The following SIVA1 variants were observed in gnomAD, a reference collection of about 807,000 sequenced individuals.
SIVA1 encodes the protein SIVA1 apoptosis inducing factor.
SIVA1 carries 10 observed loss-of-function variants against 19.7 expected under a neutral mutation model. The ratio of observed to expected loss-of-function variants is 0.51; its 90% confidence interval spans 0.31 to 0.86. The LOEUF is 0.86. Ranked by LOEUF, SIVA1 falls within the 40% of genes least tolerant of loss-of-function variation. The pLI is 0.04. For synonymous variants in SIVA1, 130 were observed against 106.1 expected (o/e 1.23, Z -1.39); for missense variants, 241 against 245.2 (o/e 0.98, Z 0.11).
At chr14:104,756,300 A>T in intron 2 of SIVA1, 1 of 499,406 alleles carries the variant, frequency 2.0e-6, no homozygotes, top group South Asian at 2.1e-5. Context: ...GAGTTCTGAC[A>T]AGCAACAGGG....
At chr14:104,757,068 G>T in intron 3 of SIVA1, 1 of 440,484 alleles carries the variant, frequency 2.3e-6, no homozygotes, top group Admixed American at 4.0e-5. Flanking sequence ...TGGTCTTTGA[G>T]CCCCCCCTCC....
chr14:104,753,403 CG>C (rs1891772653), intron 1 of SIVA1, 84 bp downstream of exon 1: 7 of 935,258 alleles, frequency 7.5e-6, no homozygotes, highest in Non-Finnish European at 1.1e-5. Context: ...GAGGCCTGAG[CG>C]GGGGGCTGGA....
rs1021865510 is a variant in SIVA1, at chr14:104,756,936, G to A, written c.470+176G>A. The A allele has an allele frequency of 1.2e-5, 8 of 686,276 alleles. No individual in the cohort carries two copies. The African/African-American group carries it at 1.4e-4, about 12-fold the overall frequency. 42.5% of individuals were successfully genotyped at this position (686,276 alleles called of 1,614,324 possible). A position where few individuals can be genotyped will look rare whatever the true frequency, so the allele number is the denominator to read the frequency against. ...ATAGATGCTTGGCCCAACTTTAGTG[G>A]TTAGTAATCCTCTCTAAGGGAAAGC... On this transcript the variant is annotated intron_variant, in intron 3 of 3. Transcript: ENST00000329967.
In SIVA1 at chr14:104,755,743, GC is replaced by G; in HGVS notation, c.236del (p.Pro79ArgfsTer9). Reference sequence around the variant, plus strand: ...GTCCCCAAAGCCTGGCCCTACAGGGGCCCCGAGGGCTGCACGTGGGCAGATG... The same window carrying G: ...GTCCCCAAAGCCTGGCCCTACAGGGGCCCGAGGGCTGCACGTGGGCAGATG... ...PESPKPGPTG[A>X]PRAARGQMLI... On this transcript the variant is annotated frameshift_variant, in exon 2 of 4. Coordinates refer to ENST00000329967, the MANE Select transcript of SIVA1 (RefSeq NM_006427.4). LOFTEE classifies it high-confidence loss of function. 1 of 1,614,134 alleles carries G rather than the reference GC, an allele frequency of 6.2e-7. No homozygotes were observed. Among genetic ancestry groups the G allele is most frequent in the Non-Finnish European group, 8.5e-7 (1 of 1,180,028 alleles).
intron 1 of SIVA1, among the ~76,000 whole-genome samples, chr14:104,754,551 G>T (rs1303225568): frequency 6.6e-6 from 1 of 152,194 alleles, no homozygotes; most frequent in African/African-American, 2.4e-5. Flanking sequence ...TCCTGACCTG[G>T]GCGTTGGCAG....
chr14:104,759,095 T>C lies in SIVA1; in HGVS notation c.471-333T>C, dbSNP rs1891999298. The stretch of plus-strand genomic sequence containing the variant: ...GGGCTGGTTCCTTCTGAGGCTGCAA[T>C]GGAAAACCTGTCCTGGCCTCTCTCC... On this transcript the variant is annotated intron_variant, in intron 3 of 3. Transcript: ENST00000329967. This position sits in a 1 kb window ranked among gnomAD's most constrained non-coding sequence, Gnocchi z 4.2. 5.0e-6 allele frequency: 1 copy of C among 201,972 alleles called. No individual in the cohort carries two copies. Among genetic ancestry groups the C allele is most frequent in the African/African-American group, 2.3e-5 (1 of 43,252 alleles). The allele number at this position is 201,972 out of a possible 1,614,324, so 12.5% of individuals were successfully genotyped here.
intron 1 of SIVA1, among the ~76,000 whole-genome samples, chr14:104,754,679 C>T (rs1429547358): frequency 1.3e-5 from 2 of 152,198 alleles, no homozygotes; most frequent in African/African-American, 4.8e-5. Flanking sequence ...CAGGCCACAG[C>T]TGTTACCCTG....
chr14:104,753,891 T>G, intron 1 of SIVA1: 1 of 394,094 alleles, frequency 2.5e-6, no homozygotes, highest in Non-Finnish European at 5.4e-6. Flanking sequence ...AGGCACAGGT[T>G]TGTGCAGGCG....
intron 1 of SIVA1, among the ~76,000 whole-genome samples, chr14:104,754,204 C>T (rs1253823047): frequency 6.6e-6 from 1 of 152,110 alleles, no homozygotes; most frequent in Non-Finnish European, 1.5e-5. Flanking sequence ...TGGAGCTTAC[C>T]TTGCCTAGTG....
chr14:104,759,127 C>T lies in SIVA1; in HGVS notation c.471-301C>T. 1 of 261,414 alleles carries T rather than the reference C, an allele frequency of 3.8e-6. No individual in the cohort carries two copies. The highest frequency in any genetic ancestry group is 7.3e-6 in the Non-Finnish European group (1 of 137,666). 16.2% of individuals were successfully genotyped at this position (261,414 alleles called of 1,614,324 possible). A position where few individuals can be genotyped will look rare whatever the true frequency, so the allele number is the denominator to read the frequency against. On this transcript the variant is annotated intron_variant, in intron 3 of 3. Transcript: ENST00000329967. This position sits in a 1 kb window ranked among gnomAD's most constrained non-coding sequence, Gnocchi z 4.2. ...CCTGTCCTGGCCTCTCTCCTGGCAT[C>T]TGCTGGTTATCTTTGGTGTTCCCTG...
intron 1 of SIVA1, 135 bp from the exon 2 acceptor site, chr14:104,755,495 A>T: frequency 1.3e-6 from 1 of 781,888 alleles, no homozygotes; most frequent in Non-Finnish European, 2.1e-6. Flanking sequence ...GGCACAACAC[A>T]GGCTGGGGTT....
In SIVA1 at chr14:104,755,659, G is replaced by T. The variant is rs141296448; in HGVS notation, c.148G>T (p.Ala50Ser). 5 of 1,613,352 alleles carry T rather than the reference G, an allele frequency of 3.1e-6. No homozygotes were observed. The highest frequency in any genetic ancestry group is 1.3e-5 in the African/African-American group (1 of 74,902). ...GACCAAGCGACTCCTGTTCCTCGGGGCCCAGGCCTACCTGGACCACGTGTG... is the reference window on the plus strand; with the variant it reads ...GACCAAGCGACTCCTGTTCCTCGGGTCCCAGGCCTACCTGGACCACGTGTG... ...EKTKRLLFLGAQAYLDHVWDE... is the reference protein window; with the variant it reads ...EKTKRLLFLGSQAYLDHVWDE... Residue 50 changes from alanine (A) to serine (S), a missense_variant, in exon 2 of 4, where the codon GCC becomes TCC. Physicochemically the swap from Ala to Ser is moderately conservative, Grantham distance 99 (BLOSUM62 1). Transcript: ENST00000329967.
At position 104,755,654 on chromosome 14, in the gene SIVA1, T is replaced by G; in HGVS notation, c.143T>G (p.Leu48Arg). The change falls in exon 2 of 4, where the codon CTC becomes CGC. Residue 48 changes from leucine to arginine, a missense_variant. By Grantham distance (102) the Leu-to-Arg change is moderately radical. Transcript: ENST00000329967. ...GAGAAGACCAAGCGACTCCTGTTCC[T>G]CGGGGCCCAGGCCTACCTGGACCAC... ...VFEKTKRLLF[L>R]GAQAYLDHVW... The G allele has an allele frequency of 1.9e-6, 3 of 1,613,224 alleles. No individual in the cohort carries two copies. Among genetic ancestry groups the G allele is most frequent in the Non-Finnish European group, 2.5e-6 (3 of 1,179,850 alleles).
At position 104,756,584 on chromosome 14, in the gene SIVA1, T is replaced by A. The variant is rs2140859302; in HGVS notation, c.314-20T>A. 6.2e-7 allele frequency: 1 copy of A among 1,613,992 alleles called. No homozygotes were observed. The highest frequency in any genetic ancestry group is 1.3e-5 in the African/African-American group (1 of 75,074). On this transcript the variant is annotated intron_variant, in intron 2 of 3. Coordinates refer to ENST00000329967, the MANE Select transcript of SIVA1 (RefSeq NM_006427.4). Reference sequence around the variant, plus strand: ...TCCAGTCTCCTTGCAGCCTGACGGCTTGGCGTTTCTTCCTCACAGACCCAT... The same window carrying A: ...TCCAGTCTCCTTGCAGCCTGACGGCATGGCGTTTCTTCCTCACAGACCCAT...
At chr14:104,753,771 G>C in intron 1 of SIVA1, 2 of 454,938 alleles carry the variant, frequency 4.4e-6, no homozygotes, top group Non-Finnish European at 8.9e-6. Flanking sequence ...CAGGCACGGC[G>C]GCTTTCTCGG....
In SIVA1 at chr14:104,754,004, G is replaced by T. The variant is rs140705286; in HGVS notation, c.118+685G>T. 3.8e-4 allele frequency: 113 copies of T among 294,222 alleles called. No individual in the cohort carries two copies. The East Asian group carries it at 7.8e-3, about 20-fold the overall frequency. The allele number at this position is 294,222 out of a possible 1,614,324, so 18.2% of individuals were successfully genotyped here. A position where few individuals can be genotyped will look rare whatever the true frequency, so the allele number is the denominator to read the frequency against. ...CAGGCAGAGGAAGGGAAGGAAGAGG[G>T]CGAGGCAGAAGCCAGGCAGCAGGAG... On this transcript the variant is annotated intron_variant, in intron 1 of 3. Transcript: ENST00000329967.
intron 2 of SIVA1, 39 bp from the exon 3 acceptor site, chr14:104,756,565 C>T (rs1259563604): frequency 1.2e-6 from 2 of 1,612,916 alleles, no homozygotes. Context: ...AAACTCCAGT[C>T]TCCTTGCAGC....
intron 3 of SIVA1, chr14:104,756,992 G>A (rs535471598): frequency 1.9e-5 from 11 of 575,958 alleles, no homozygotes; most frequent in Middle Eastern, 4.6e-4. Flanking sequence ...CTCTGTATCC[G>A]GCTCTAGTCC....
chr14:104,757,549 G>A (rs528734946), intron 3 of SIVA1: 165 of 164,930 alleles, frequency 1.0e-3, no homozygotes, highest in Middle Eastern at 4.5e-3. Flanking sequence ...GAGAAGCGCC[G>A]CGTGCCAGTG....
Sources: allele counts gnomAD v4.1 joint callset (sites outside exome capture counted in the v4.1 genomes callset), GRCh38; gene constraint gnomAD v4.1.1; non-coding constraint Gnocchi (gnomAD v3.1); transcripts MANE v1.5; gene names NCBI Gene and HGNC (gene_info 2026-07-23, HGNC 2026-07-21).